ALPK2: variants seen among roughly 807,000 people sequenced by gnomAD.
ALPK2 encodes the protein alpha-protein kinase 2.
In ALPK2, 127 loss-of-function variants were observed where a neutral mutation model predicts 163.1. The observed-to-expected ratio is 0.78, with a 90% CI of 0.67 to 0.90. The LOEUF (loss-of-function observed/expected upper bound fraction) is 0.90. Ranked by LOEUF, ALPK2 falls within the 40% of genes least tolerant of loss-of-function variation. The pLI, the probability that ALPK2 is intolerant of heterozygous loss-of-function variation, is 0.00. For missense variants in ALPK2, 2,360 were observed against 2,589.6 expected (o/e 0.91, Z 1.92); for synonymous variants, 953 against 959.1 (o/e 0.99, Z 0.12).
intron 4 of ALPK2, among the ~76,000 whole-genome samples, chr18:58,571,435 A>G (rs2051885508): frequency 6.6e-6 from 1 of 151,896 alleles, no homozygotes; most frequent in African/African-American, 2.4e-5. Flanking sequence ...AGGAAAAAAA[A>G]AAAAAAAAAG....
chr18:58,516,577 C>A (rs1191249126), intron 9 of ALPK2, among the ~76,000 whole-genome samples: 3 of 152,096 alleles, frequency 2.0e-5, no homozygotes, highest in Non-Finnish European at 4.4e-5. Flanking sequence ...TAGCTTAGAA[C>A]CCCCACTTTC....
At chr18:58,515,735 G>T (rs1420429638) in intron 9 of ALPK2, among the ~76,000 whole-genome samples, 1 of 152,244 alleles carries the variant, frequency 6.6e-6, no homozygotes, top group African/African-American at 2.4e-5. Context: ...CCACGTGGCA[G>T]TGCCGCAGGA....
chr18:58,623,672 G>T, intron 1 of ALPK2, among the ~76,000 whole-genome samples: 1 of 152,134 alleles, frequency 6.6e-6, no homozygotes, highest in Non-Finnish European at 1.5e-5. Flanking sequence ...TGCCATGTTG[G>T]CCAGGCTGGT....
intron 4 of ALPK2, among the ~76,000 whole-genome samples, chr18:58,550,156 C>T (rs191369783): frequency 2.0e-5 from 3 of 152,194 alleles, no homozygotes; most frequent in African/African-American, 7.2e-5. Flanking sequence ...TATTGTCCTG[C>T]TTAAACAAAT....
chr18:58,580,004 G>A lies in ALPK2; in HGVS notation c.772C>T (p.Arg258Cys), dbSNP rs746498471. ...ACTTTGGGATTTTGCTGACTAGAGCGTAAGCCTTCATCATGAGGACCATCA... is the reference window on the plus strand; with the variant it reads ...ACTTTGGGATTTTGCTGACTAGAGCATAAGCCTTCATCATGAGGACCATCA... ...NNDGPHDEGL[R>C]SSQQNPKVQK... Residue 258 changes from arginine to cysteine, a missense_variant, in exon 4 of 13, where the codon CGC becomes TGC. By Grantham distance (180) the Arg-to-Cys change is radical. Transcript: ENST00000361673. 43 of 1,614,086 alleles carry A rather than the reference G, an allele frequency of 2.7e-5. No homozygotes were observed. The Admixed American group carries it at 3.0e-4, about 11-fold the overall frequency.
rs1240280366 is a variant in ALPK2 at position 58,535,385 on chromosome 18, G to C, written c.4802C>G (p.Ser1601Cys). Residue 1601 changes from serine (S) to cysteine (C), a missense_variant, in exon 5 of 13, where the codon TCT becomes TGT. Transcript: ENST00000361673. ...IENERGKPLP[S>C]SPDLTRFPCT... ...AGGGAACCTGGTAAGATCAGGAGAA[G>C]AGGGCAAAGGTTTCCCACGCTCATT... 3.7e-6 allele frequency: 6 copies of C among 1,614,166 alleles called. No homozygotes were observed. The highest frequency in any genetic ancestry group is 5.1e-6 in the Non-Finnish European group (6 of 1,180,012).
intron 1 of ALPK2, among the ~76,000 whole-genome samples, chr18:58,620,560 T>A (rs1017820392): frequency 6.6e-6 from 1 of 152,110 alleles, no homozygotes; most frequent in Non-Finnish European, 1.5e-5. Flanking sequence ...CTTCTGGAGG[T>A]GATGGCAATC....
intron 1 of ALPK2, among the ~76,000 whole-genome samples, chr18:58,628,177 C>A (rs1287616781): frequency 1.3e-5 from 2 of 151,848 alleles, no homozygotes; most frequent in Non-Finnish European, 2.9e-5. Flanking sequence ...ATCTATTTAA[C>A]AACTCGATAA....
chr18:58,502,677 T>C (rs2051438715), intron 11 of ALPK2, among the ~76,000 whole-genome samples: 1 of 152,248 alleles, frequency 6.6e-6, no homozygotes, highest in Admixed American at 6.5e-5. Context: ...GGAAACCCCT[T>C]GCAGCAGAAG....
chr18:58,517,103 A>G lies in ALPK2; in HGVS notation c.5745T>C (p.Arg1915=). The G allele has an allele frequency of 1.2e-6, 2 of 1,614,256 alleles. No homozygotes were observed. The highest frequency in any genetic ancestry group is 1.7e-6 in the Non-Finnish European group (2 of 1,180,040). ...GCAGCTCCTCCGTGGCGATCTGACC[A>G]CGCAGGCGGCCCCCAAAGTAGCTGT... ...LHDSYFGGRL[R]GQIATEELHF... Residue 1915 remains arginine, a synonymous_variant, in exon 9 of 13, where the codon CGT becomes CGC. Transcript: ENST00000361673.
chr18:58,525,967 G>GAAA (rs10653750), intron 6 of ALPK2, among the ~76,000 whole-genome samples: 15,465 of 117,576 alleles, frequency 0.13, 1,369 homozygotes, highest in African/African-American at 0.22. Flanking sequence ...TGATGAAAAA[G>GAAA]AAAAAAAAAA....
Position 58,535,057 on chromosome 18 carries a change from C to T in ALPK2, c.5130G>A (p.Glu1710=), listed in dbSNP as rs752626318. ...CTGGGGCTTCTGGCTTCCTCTTGAC[C>T]TCCTCTGACCCCGTCACTGCTGTGA... The part of the protein sequence containing the change: ...GTLTAVTGSE[E]VKRKPEAPGS... The change falls in exon 5 of 13, where the codon GAG becomes GAA. Residue 1710 remains glutamate, a synonymous_variant. Transcript: ENST00000361673. The T allele has an allele frequency of 6.2e-7, 1 of 1,614,058 alleles. No homozygotes were observed. The highest frequency in any genetic ancestry group is 1.7e-5 in the Admixed American group (1 of 60,016).
At chr18:58,497,241 T>C (rs559801225) in intron 12 of ALPK2, among the ~76,000 whole-genome samples, 1 of 152,292 alleles carries the variant, frequency 6.6e-6, no homozygotes, top group South Asian at 2.1e-4. Flanking sequence ...CATTTTGAAA[T>C]AGAAGCCATC....
intron 4 of ALPK2, among the ~76,000 whole-genome samples, chr18:58,567,202 A>G (rs1602221914): frequency 6.6e-6 from 1 of 150,642 alleles, no homozygotes; most frequent in African/African-American, 2.4e-5. Flanking sequence ...TGTGGCCAAC[A>G]TGACGAAACC....
chr18:58,530,023 T>TG (rs2051604775), intron 5 of ALPK2, among the ~76,000 whole-genome samples: 1 of 152,244 alleles, frequency 6.6e-6, no homozygotes, highest in Non-Finnish European at 1.5e-5. Context: ...TTACTGCAGA[T>TG]GTGTGAGTCT....
intron 12 of ALPK2, among the ~76,000 whole-genome samples, chr18:58,486,931 T>A (rs1031068786): frequency 3.3e-5 from 5 of 152,250 alleles, no homozygotes; most frequent in Non-Finnish European, 7.3e-5. Flanking sequence ...CAATGGGAAG[T>A]GCAGGTTTCC....
chr18:58,569,296 C>T (rs1198847073), intron 4 of ALPK2, among the ~76,000 whole-genome samples: 2 of 152,170 alleles, frequency 1.3e-5, no homozygotes, highest in African/African-American at 4.8e-5. Context: ...TTAGAGCTTC[C>T]AACGCCCACA....
rs944019467 is a variant in ALPK2 at position 58,578,875 on chromosome 18, C to T, written c.1901G>A (p.Gly634Asp). The T allele has an allele frequency of 3.1e-6, 5 of 1,614,128 alleles. No individual in the cohort carries two copies. Among genetic ancestry groups the T allele is most frequent in the Non-Finnish European group, 4.2e-6 (5 of 1,180,036 alleles). The change falls in exon 4 of 13, where the codon GGC becomes GAC. Residue 634 changes from glycine to aspartate, a missense_variant. Transcript: ENST00000361673. Reference protein sequence around the residue: ...KEGNTNCKGEGMQVNTLFETS... With the variant: ...KEGNTNCKGEDMQVNTLFETS... Reference sequence around the variant, plus strand: ...TTCAAATAGAGTATTAACTTGCATGCCTTCTCCCTTGCAATTTGTGTTGCC... The same window carrying T: ...TTCAAATAGAGTATTAACTTGCATGTCTTCTCCCTTGCAATTTGTGTTGCC...
At chr18:58,482,174 C>A in intron 12 of ALPK2, 135 bp from the exon 13 acceptor site, 1 of 664,136 alleles carries the variant, frequency 1.5e-6, no homozygotes, top group Admixed American at 2.7e-5. Context: ...AGAATGGCTG[C>A]AGGATAGACA....
Sources: allele counts gnomAD v4.1 joint callset (sites outside exome capture counted in the v4.1 genomes callset), GRCh38; gene constraint gnomAD v4.1.1; transcripts MANE v1.5; gene names NCBI Gene and HGNC (gene_info 2026-07-23, HGNC 2026-07-21).